Variants in MAGI2 observed in about 807,000 individuals in gnomAD.
MAGI2 encodes the protein membrane-associated guanylate kinase, WW and PDZ domain-containing protein 2.
A neutral mutation model predicts 133.3 loss-of-function variants in MAGI2; 35 were observed. The ratio of observed to expected loss-of-function variants is 0.26; its 90% CI spans 0.20 to 0.35. MAGI2 has a LOEUF of 0.35. MAGI2 is among the 10% of genes least tolerant of loss of function. The pLI, the probability that MAGI2 is intolerant of heterozygous loss-of-function variation, is 1.00. For synonymous variants in MAGI2, 729 were observed against 710.6 expected (o/e 1.03, Z -0.41); for missense variants, 1,636 against 1,863.4 (o/e 0.88, Z 2.25).
chr7:78,371,692 C>T (rs1234231120), intron 6 of MAGI2, among the ~76,000 whole-genome samples: 2 of 151,956 alleles, frequency 1.3e-5, no homozygotes, highest in South Asian at 2.1e-4. Context: ...ATTATACTGT[C>T]CCACTTGTTA....
In MAGI2 at chr7:78,753,621, A is replaced by AG. The variant is rs560907128; in HGVS notation, c.419-126383dup. Among the ~76,000 whole-genome samples, 313 of 152,230 alleles carry AG rather than the reference A, an allele frequency of 2.1e-3. 2 individuals carry two copies. The highest frequency in any genetic ancestry group is 7.1e-3 in the African/African-American group (294 of 41,548). On this transcript the variant is annotated intron_variant, in intron 2 of 21. Transcript: ENST00000354212. Reference sequence around the variant, plus strand: ...AGGTTCCAGTATCTCAGGAAACTGCAGGAAGAGTTTCTAAAAATTCAAATC... The same window carrying AG: ...AGGTTCCAGTATCTCAGGAAACTGCAGGGAAGAGTTTCTAAAAATTCAAATC...
At chr7:78,194,367 T>C (rs1828519250) in intron 12 of MAGI2, among the ~76,000 whole-genome samples, 1 of 152,164 alleles carries the variant, frequency 6.6e-6, no homozygotes, top group Non-Finnish European at 1.5e-5. Context: ...AGCAGAAAAC[T>C]GTGGCAGAGA....
At chr7:78,461,275 A>C (rs1054216363) in intron 6 of MAGI2, among the ~76,000 whole-genome samples, 3 of 152,030 alleles carry the variant, frequency 2.0e-5, no homozygotes, top group African/African-American at 7.2e-5. Context: ...AAATAAAAGC[A>C]CTCTAAGAGA....
chr7:78,099,989 G>T (rs1818061353), intron 20 of MAGI2, among the ~76,000 whole-genome samples: 1 of 152,158 alleles, frequency 6.6e-6, no homozygotes, highest in Admixed American at 6.5e-5. Context: ...TCTTACAGTG[G>T]ATGACAATAT....
In MAGI2 at chr7:78,162,295, G is replaced by A. The variant is rs575351151; in HGVS notation, c.2597-2022C>T. Among the ~76,000 whole-genome samples, 4 of 151,750 alleles carry A rather than the reference G, an allele frequency of 2.6e-5. No individual in the cohort carries two copies. In the South Asian group the frequency reaches 8.3e-4, roughly 32 times the overall value. ...AATCCCAGCACTTTGGGAGGCTGAG[G>A]CGGGCGGATCACGAGGTCAGGAGAT... On this transcript the variant is annotated intron_variant, in intron 15 of 21. Transcript: ENST00000354212.
intron 9 of MAGI2, among the ~76,000 whole-genome samples, chr7:78,283,788 TAATTGGCCTAAA>T (rs1310623100): frequency 6.6e-6 from 1 of 152,076 alleles, no homozygotes; most frequent in Non-Finnish European, 1.5e-5. Context: ...ATGGCATCTG[TAATTGGCCTAAA>T]AAGCGATAAA....
intron 2 of MAGI2, among the ~76,000 whole-genome samples, chr7:78,906,861 C>T: frequency 6.6e-6 from 1 of 151,994 alleles, no homozygotes; most frequent in African/African-American, 2.4e-5. Flanking sequence ...TATACATATG[C>T]ACATATATGT....
intron 6 of MAGI2, among the ~76,000 whole-genome samples, chr7:78,382,817 G>A (rs1343137183): frequency 6.6e-6 from 1 of 151,702 alleles, no homozygotes; most frequent in African/African-American, 2.4e-5. Context: ...ACCTCTATAT[G>A]ATCACATTTT....
At chr7:78,323,512 GA>G (rs1270519220) in intron 9 of MAGI2, among the ~76,000 whole-genome samples, 1 of 152,138 alleles carries the variant, frequency 6.6e-6, no homozygotes, top group Non-Finnish European at 1.5e-5. Flanking sequence ...TTACCTGGGG[GA>G]GATAGTTTGG....
At chr7:78,739,531 T>C (rs1041363564) in intron 2 of MAGI2, among the ~76,000 whole-genome samples, 13 of 152,166 alleles carry the variant, frequency 8.5e-5, no homozygotes, top group African/African-American at 2.4e-4. Flanking sequence ...AAGTCATAAG[T>C]TGCCCATGTA....
intron 6 of MAGI2, among the ~76,000 whole-genome samples, chr7:78,421,535 C>T (rs762191447): frequency 2.5e-4 from 38 of 152,162 alleles, no homozygotes; most frequent in Non-Finnish European, 4.7e-4. Flanking sequence ...AGAATTTGGT[C>T]GGGCATGCTG....
chr7:78,027,471 T>A (rs1473280621), intron 21 of MAGI2, among the ~76,000 whole-genome samples: 1 of 151,656 alleles, frequency 6.6e-6, no homozygotes, highest in African/African-American at 2.4e-5. Flanking sequence ...CTACTAAAAA[T>A]ACAAAAATTA....
At chr7:78,112,967 A>G (rs1218869444) in intron 20 of MAGI2, among the ~76,000 whole-genome samples, 1 of 152,168 alleles carries the variant, frequency 6.6e-6, no homozygotes, top group African/African-American at 2.4e-5. Flanking sequence ...GTGGGATGTG[A>G]AGGATGAGGA....
chr7:78,622,250 G>A (rs1304834260), intron 3 of MAGI2, among the ~76,000 whole-genome samples: 1 of 151,942 alleles, frequency 6.6e-6, no homozygotes, highest in Non-Finnish European at 1.5e-5. Context: ...GTTAACAGAA[G>A]GTCTGTAATC....
intron 5 of MAGI2, among the ~76,000 whole-genome samples, chr7:78,492,220 T>C (rs1347985297): frequency 1.3e-5 from 2 of 152,114 alleles, no homozygotes; most frequent in African/African-American, 2.4e-5. Flanking sequence ...CCTGAGTTTA[T>C]ATAAAGCATT....
chr7:79,369,198 A>G (rs1842913106), intron 1 of MAGI2, among the ~76,000 whole-genome samples: 2 of 152,136 alleles, frequency 1.3e-5, no homozygotes, highest in Admixed American at 1.3e-4. Context: ...AACTTAGAAA[A>G]CGACTTCTTA....
chr7:79,137,053 C>A (rs1053841890), intron 1 of MAGI2, among the ~76,000 whole-genome samples: 5 of 151,992 alleles, frequency 3.3e-5, no homozygotes, highest in African/African-American at 9.7e-5. Flanking sequence ...GCGATCTTGG[C>A]TCACTGTAAC....
At chr7:78,302,723 C>T (rs1797935727) in intron 9 of MAGI2, among the ~76,000 whole-genome samples, 1 of 152,152 alleles carries the variant, frequency 6.6e-6, no homozygotes, top group Non-Finnish European at 1.5e-5. Context: ...TCAGTGATAT[C>T]GAATAGGCAT....
At chr7:79,418,028 T>C (rs569157462) in intron 1 of MAGI2, among the ~76,000 whole-genome samples, 64 of 152,248 alleles carry the variant, frequency 4.2e-4, no homozygotes, top group Admixed American at 8.5e-4. Flanking sequence ...TTAAATATTA[T>C]AAAATTCACC....
Sources: allele counts gnomAD v4.1 joint callset (sites outside exome capture counted in the v4.1 genomes callset), GRCh38; gene constraint gnomAD v4.1.1; transcripts MANE v1.5; gene names NCBI Gene and HGNC (gene_info 2026-07-23, HGNC 2026-07-21).